TENM2: variants seen among roughly 807,000 people sequenced by gnomAD.
The protein encoded by TENM2 is teneurin transmembrane protein 2, also known as teneurin-2.
Under a neutral mutation model 245.2 loss-of-function variants are expected in TENM2, and 52 were observed. That is an observed-to-expected ratio of 0.21 (90% CI 0.17 to 0.27). The LOEUF (loss-of-function observed/expected upper bound fraction) is 0.27. Among genes scored for constraint, TENM2 ranks in the 10% least tolerant of loss-of-function variants. TENM2 has a pLI of 1.00. For synonymous variants in TENM2, 1,363 were observed against 1,438.9 expected, an observed-to-expected ratio of 0.95 and a Z score of 1.19; for missense variants, 3,046 against 3,666.8, an observed-to-expected ratio of 0.83 and a Z score of 4.37.
intron 2 of TENM2, among the ~76,000 whole-genome samples, chr5:167,454,943 A>G (rs1317614909): frequency 6.6e-6 from 1 of 152,210 alleles, no homozygotes; most frequent in Non-Finnish European, 1.5e-5. Context: ...TTCAAGGGGA[A>G]GTGAAATGCT....
the TENM2 span, among the ~76,000 whole-genome samples, chr5:167,143,728 CTT>C: frequency 6.6e-6 from 1 of 152,144 alleles, no homozygotes; most frequent in African/African-American, 2.4e-5. Context: ...GCAAGAGTAA[CTT>C]GTGCAGCTGA....
upstream of TENM2, among the ~76,000 whole-genome samples, chr5:167,282,953 A>G (rs919670827): frequency 2.0e-5 from 3 of 152,186 alleles, no homozygotes; most frequent in African/African-American, 7.2e-5. Context: ...GAGAGACTCC[A>G]GAGTCCAGCA....
chr5:167,803,284 C>T (rs1477076466), intron 2 of TENM2, among the ~76,000 whole-genome samples: 1 of 152,130 alleles, frequency 6.6e-6, no homozygotes, highest in Admixed American at 6.6e-5. Flanking sequence ...CCAAGGGAGA[C>T]TGACATTCTA....
the TENM2 span, among the ~76,000 whole-genome samples, chr5:167,118,198 C>T: frequency 6.2e-4 from 94 of 152,232 alleles, no homozygotes; most frequent in East Asian, 0.011. Context: ...AAAGAAAGCC[C>T]TTTCTATATT....
chr5:167,061,634 C>T, the TENM2 span, among the ~76,000 whole-genome samples: 92,180 of 151,804 alleles, frequency 0.61, 30,451 homozygotes, highest in African/African-American at 0.88. Flanking sequence ...CAAATGGTAA[C>T]GTAAGTGAAA....
intron 2 of TENM2, among the ~76,000 whole-genome samples, chr5:167,668,073 A>C (rs1755689772): frequency 6.6e-6 from 1 of 152,196 alleles, no homozygotes; most frequent in African/African-American, 2.4e-5. Flanking sequence ...AAAGTCCCCA[A>C]CAAAGAAAAT....
chr5:168,046,714 A>C (rs1788640154), intron 5 of TENM2, among the ~76,000 whole-genome samples: 1 of 152,218 alleles, frequency 6.6e-6, no homozygotes, highest in Admixed American at 6.5e-5. Flanking sequence ...TACTCTGCTA[A>C]AGTGAGAGCG....
At chr5:167,817,711 G>T (rs1458816723) in intron 2 of TENM2, among the ~76,000 whole-genome samples, 1 of 152,166 alleles carries the variant, frequency 6.6e-6, no homozygotes, top group Non-Finnish European at 1.5e-5. Flanking sequence ...ACGTAGAGAG[G>T]CTGGATTGAA....
chr5:168,215,099 T>C (rs1183615426), exon 21 of TENM2: 7 of 1,613,762 alleles, frequency 4.3e-6, no homozygotes, highest in Admixed American at 1.7e-5. Context: ...TCGCTCTACG[T>C]GTCCGACACC....
At chr5:167,999,815 A>C (rs1234944316) in intron 5 of TENM2, among the ~76,000 whole-genome samples, 1 of 152,194 alleles carries the variant, frequency 6.6e-6, no homozygotes, top group Non-Finnish European at 1.5e-5. Context: ...GAGAGCCAGG[A>C]AACAGGTTCT....
intron 15 of TENM2, 21 bp downstream of exon 17, chr5:168,195,316 C>T (rs765049477): frequency 1.4e-4 from 216 of 1,564,596 alleles, no homozygotes; most frequent in Admixed American, 2.4e-4. Flanking sequence ...TTGTGGGGCT[C>T]GGACCTACTC....
chr5:167,054,147 T>A, the TENM2 span, among the ~76,000 whole-genome samples: 3 of 152,324 alleles, frequency 2.0e-5, no homozygotes, highest in African/African-American at 7.2e-5. Context: ...CTGTAGTATG[T>A]CATACAGAAT....
At position 167,725,238 on chromosome 5, in the gene TENM2, T is replaced by C. The variant is rs148805327; in HGVS notation, c.503-150748T>C. Among the ~76,000 whole-genome samples, 191 of 152,272 alleles carry C rather than the reference T, an allele frequency of 1.3e-3. 4 individuals are homozygous for C. In the East Asian group the frequency reaches 0.03, roughly 24 times the overall value. On this transcript the variant is annotated intron_variant, in intron 2 of 28. Transcript: ENST00000518659. ...TTATGTAAGCATAACTCCTATGATA[T>C]GGTGTAAAATGAATCACACTTTTTT...
intron 2 of TENM2, among the ~76,000 whole-genome samples, chr5:167,757,129 A>G (rs1429260078): frequency 6.7e-6 from 1 of 149,886 alleles, no homozygotes; most frequent in Non-Finnish European, 1.5e-5. Flanking sequence ...TCTGGGGTGC[A>G]TGTGCAGAAT....
chr5:167,414,257 T>C (rs1362692366), intron 2 of TENM2, among the ~76,000 whole-genome samples: 3 of 152,110 alleles, frequency 2.0e-5, no homozygotes, highest in Non-Finnish European at 4.4e-5. Flanking sequence ...AAGGTTGATC[T>C]CTCTAAGTGC....
At chr5:167,449,062 A>G (rs76958306) in intron 2 of TENM2, among the ~76,000 whole-genome samples, 2 of 151,948 alleles carry the variant, frequency 1.3e-5, no homozygotes, top group African/African-American at 2.4e-5. Flanking sequence ...AAAAAAAAAA[A>G]TTGGTATGCA....
At chr5:167,737,037 G>T (rs765047651) in intron 2 of TENM2, among the ~76,000 whole-genome samples, 2 of 152,178 alleles carry the variant, frequency 1.3e-5, no homozygotes, top group South Asian at 4.1e-4. Context: ...GAAGCAGTCC[G>T]CCTCACACCT....
intron 3 of TENM2, among the ~76,000 whole-genome samples, chr5:167,887,294 C>A (rs1182932812): frequency 6.6e-6 from 1 of 152,228 alleles, no homozygotes; most frequent in African/African-American, 2.4e-5. Context: ...AGGGTCATTT[C>A]TTTGGTCTTT....
intron 13 of TENM2, among the ~76,000 whole-genome samples, chr5:168,173,383 T>C (rs1371557607): frequency 6.6e-6 from 1 of 152,130 alleles, no homozygotes; most frequent in Non-Finnish European, 1.5e-5. Flanking sequence ...CTCAGGAGAA[T>C]GGGTGCCTGC....
Sources: gnomAD v4.1 joint callset for allele counts (sites outside exome capture counted in the v4.1 genomes callset) on GRCh38, gnomAD v4.1.1 for gene constraint, MANE v1.5 for transcripts, NCBI Gene and HGNC (gene_info 2026-07-23, HGNC 2026-07-21) for gene names.